TMEM132C: variants seen among roughly 807,000 people sequenced by gnomAD.
The protein encoded by TMEM132C is transmembrane protein 132C.
A neutral mutation model predicts 61.4 loss-of-function variants in TMEM132C; 29 were observed. The ratio of observed to expected loss-of-function variants is 0.47; its 90% CI spans 0.35 to 0.64. The LOEUF (loss-of-function observed/expected upper bound fraction) is 0.64, where lower values mean the gene tolerates loss of function less well. TMEM132C is among the 30% of genes least tolerant of loss of function. The probability of loss-of-function intolerance (pLI) is 0.00; values close to 1 mark genes in which losing one functional copy is unlikely to be tolerated. For synonymous variants in TMEM132C, 656 were observed against 633.1 expected (o/e 1.04, Z -0.54); for missense variants, 1,408 against 1,476.9 (o/e 0.95, Z 0.76).
At chr12:128,441,421 G>C (rs1488616134) in intron 2 of TMEM132C, among the ~76,000 whole-genome samples, 3 of 152,242 alleles carry the variant, frequency 2.0e-5, no homozygotes, top group African/African-American at 2.4e-5. Flanking sequence ...CGATGGCTTA[G>C]TAAACAGTTG....
intron 4 of TMEM132C, among the ~76,000 whole-genome samples, chr12:128,617,184 G>A (rs191190979): frequency 3.9e-5 from 6 of 152,194 alleles, no homozygotes; most frequent in Non-Finnish European, 5.9e-5. Context: ...ATGTCAGCGC[G>A]GCTGGTCTGC....
At chr12:128,564,931 G>A (rs1445294581) in intron 3 of TMEM132C, among the ~76,000 whole-genome samples, 7 of 152,134 alleles carry the variant, frequency 4.6e-5, no homozygotes, top group Admixed American at 4.6e-4. Flanking sequence ...GGCTAGACTG[G>A]CAATGTTTTT....
intron 3 of TMEM132C, among the ~76,000 whole-genome samples, chr12:128,609,637 T>A (rs1876558988): frequency 1.3e-5 from 2 of 152,090 alleles, no homozygotes; most frequent in South Asian, 4.1e-4. Flanking sequence ...TCTTTGCTCC[T>A]CCCTGCTGCC....
intron 2 of TMEM132C, among the ~76,000 whole-genome samples, chr12:128,516,456 C>G (rs761997647): frequency 6.6e-6 from 1 of 152,096 alleles, no homozygotes; most frequent in African/African-American, 2.4e-5. Context: ...CACAGGATGG[C>G]TCTAGGATTG....
At chr12:128,478,232 G>T (rs544968886) in intron 2 of TMEM132C, among the ~76,000 whole-genome samples, 1 of 152,312 alleles carries the variant, frequency 6.6e-6, no homozygotes, top group South Asian at 2.1e-4. Context: ...GATTATGACT[G>T]CATTTCCATC....
chr12:128,456,709 C>G, intron 2 of TMEM132C, among the ~76,000 whole-genome samples: 1 of 152,066 alleles, frequency 6.6e-6, no homozygotes, highest in Non-Finnish European at 1.5e-5. Context: ...CTCCTAGCCT[C>G]TGATTACTTT....
intron 4 of TMEM132C, among the ~76,000 whole-genome samples, chr12:128,665,141 C>G (rs946677035): frequency 8.1e-5 from 11 of 135,460 alleles, no homozygotes; most frequent in African/African-American, 3.1e-4. Flanking sequence ...GCACATGTAC[C>G]CATATGCACA....
chr12:128,327,550 T>C (rs1216489643), intron 1 of TMEM132C, among the ~76,000 whole-genome samples: 1 of 151,916 alleles, frequency 6.6e-6, no homozygotes, highest in Non-Finnish European at 1.5e-5. Flanking sequence ...GCCCGGCTAA[T>C]TTTTTTATAT....
At chr12:128,414,144 T>C (rs1253895560) in intron 1 of TMEM132C, among the ~76,000 whole-genome samples, 1 of 152,098 alleles carries the variant, frequency 6.6e-6, no homozygotes, top group Non-Finnish European at 1.5e-5. Context: ...CCCAACACTT[T>C]AGGAGGCTGG....
chr12:128,340,793 CTCTCTCTTTCTTTCTT>C (rs1347233010), intron 1 of TMEM132C, among the ~76,000 whole-genome samples: 7 of 129,620 alleles, frequency 5.4e-5, no homozygotes, highest in South Asian at 2.2e-4. Context: ...CTCTCTCTCT[CTCTCTCTTTCTTTCTT>C]TCTCTCTTTC....
intron 2 of TMEM132C, among the ~76,000 whole-genome samples, chr12:128,501,358 A>G (rs545113916): frequency 2.6e-5 from 4 of 152,094 alleles, no homozygotes; most frequent in Non-Finnish European, 5.9e-5. Context: ...CATCACTTTA[A>G]TGTTATCTTT....
intron 2 of TMEM132C, among the ~76,000 whole-genome samples, chr12:128,480,547 C>T (rs893457674): frequency 6.6e-6 from 1 of 152,190 alleles, no homozygotes; most frequent in African/African-American, 2.4e-5. Context: ...GGCTGCACCC[C>T]CTTTTCTGAG....
chr12:128,616,712 C>T (rs979045368), intron 4 of TMEM132C, among the ~76,000 whole-genome samples: 3 of 152,180 alleles, frequency 2.0e-5, no homozygotes, highest in African/African-American at 7.2e-5. Flanking sequence ...GAGATAGATG[C>T]CCTTCATCTC....
chr12:128,275,966 A>T (rs1229482947), intron 1 of TMEM132C, among the ~76,000 whole-genome samples: 4 of 152,128 alleles, frequency 2.6e-5, no homozygotes, highest in Non-Finnish European at 5.9e-5. Flanking sequence ...GCAGCATCAC[A>T]GCAATCTTTG....
intron 4 of TMEM132C, among the ~76,000 whole-genome samples, chr12:128,664,084 G>A (rs1434393973): frequency 1.6e-5 from 2 of 127,938 alleles, no homozygotes; most frequent in Non-Finnish European, 3.2e-5. Context: ...ACAGGCACAA[G>A]CACCCACACG....
intron 1 of TMEM132C, among the ~76,000 whole-genome samples, chr12:128,396,071 T>C (rs1327325977): frequency 6.6e-6 from 1 of 152,180 alleles, no homozygotes; most frequent in Non-Finnish European, 1.5e-5. Flanking sequence ...TGCGGGGTCC[T>C]TAGTGAGTTC....
chr12:128,656,330 C>T (rs1057393057), intron 4 of TMEM132C, among the ~76,000 whole-genome samples: 5 of 152,276 alleles, frequency 3.3e-5, no homozygotes, highest in East Asian at 3.9e-4. Context: ...GGATTACAGA[C>T]GTGAGCCACT....
intron 1 of TMEM132C, chr12:128,289,124 T>C (rs1871170224): frequency 6.6e-6 from 1 of 151,284 alleles, no homozygotes; most frequent in Non-Finnish European, 1.5e-5. Flanking sequence ...ATACATATGC[T>C]CGCTAACACA....
chr12:128,646,734 A>G (rs538625626), intron 4 of TMEM132C, among the ~76,000 whole-genome samples: 29 of 147,086 alleles, frequency 2.0e-4, no homozygotes, highest in African/African-American at 7.1e-4. Flanking sequence ...GCGTTGGATT[A>G]GTGTGTTTAC....
Sources: gnomAD v4.1 joint callset for allele counts (sites outside exome capture counted in the v4.1 genomes callset) on GRCh38, gnomAD v4.1.1 for gene constraint, MANE v1.5 for transcripts, NCBI Gene and HGNC (gene_info 2026-07-23, HGNC 2026-07-21) for gene names.